Variants in PDCD1 observed in about 807,000 individuals in gnomAD.
PDCD1 encodes programmed cell death 1, also known as programmed cell death protein 1.
PDCD1 carries 10 observed loss-of-function variants against 23.6 expected under a neutral mutation model. That is an observed-to-expected ratio of 0.42 (90% CI 0.26 to 0.72). The LOEUF (loss-of-function observed/expected upper bound fraction) is 0.72, where lower values mean the gene tolerates loss of function less well. PDCD1 is among the 30% of genes least tolerant of loss of function. The pLI is 0.24. For synonymous variants in PDCD1, 168 were observed against 169.3 expected, an observed-to-expected ratio of 0.99 and a Z score of 0.06; for missense variants, 313 against 397.8, an observed-to-expected ratio of 0.79 and a Z score of 1.81.
chr2:241,854,260 G>T (rs977338883), intron 1 of PDCD1, among the ~76,000 whole-genome samples: 4 of 152,194 alleles, frequency 2.6e-5, no homozygotes, highest in African/African-American at 7.2e-5. Context: ...ACAAGCGCTC[G>T]CCTCCTTCAC....
intron 1 of PDCD1, among the ~76,000 whole-genome samples, chr2:241,854,392 C>T (rs1210781005): frequency 6.6e-6 from 1 of 152,220 alleles, no homozygotes; most frequent in African/African-American, 2.4e-5. Flanking sequence ...TGCCGGCCGG[C>T]CAGGGGAAGC....
At chr2:241,851,409 A>G in intron 4 of PDCD1, 112 bp from the exon 5 acceptor site, 1 of 1,051,908 alleles carries the variant, frequency 9.5e-7, no homozygotes. Context: ...CCCCACTATG[A>G]GCTGCTTACC....
intron 1 of PDCD1, among the ~76,000 whole-genome samples, chr2:241,853,697 GA>G (rs1350678086): frequency 2.0e-5 from 3 of 152,284 alleles, no homozygotes; most frequent in Non-Finnish European, 2.9e-5. Flanking sequence ...CAGGGCTTGG[GA>G]TACCCGCATG....
In PDCD1 at chr2:241,850,705, CT is replaced by C; in HGVS notation, c.*352del. On this transcript the variant is annotated 3_prime_UTR_variant, in exon 5 of 5. Transcript: ENST00000334409. ...GGGGCGTCAGGCAGGGCCACGGCGC[CT>C]TCAGCCCCGGGCCGCAGGCAGCAGC... 1.8e-6 allele frequency: 1 copy of C among 563,270 alleles called. No homozygotes were observed. Among genetic ancestry groups the C allele is most frequent in the Non-Finnish European group, 3.3e-6 (1 of 300,352 alleles). 34.9% of individuals were successfully genotyped at this position (563,270 alleles called of 1,614,324 possible). A position where few individuals can be genotyped will look rare whatever the true frequency, so the allele number is the denominator to read the frequency against.
At chr2:241,852,163 G>A (rs749973771) in intron 3 of PDCD1, 35 bp downstream of exon 3, 3 of 1,596,714 alleles carry the variant, frequency 1.9e-6, no homozygotes, top group Non-Finnish European at 2.6e-6. Flanking sequence ...AGCAGGGTTA[G>A]GGCAGGGCAG....
rs56124337 is a variant in PDCD1, at chr2:241,852,750, C to T, written c.307G>A (p.Gly103Arg). ...CRFRVTQLPN[G>R]RDFHMSVVRA... ...ACCACGCTCATGTGGAAGTCACGCC[C>T]GTTGGGCAGTTGTGTGACACGGAAG... Residue 103 changes from glycine (G) to arginine (R), a missense_variant, in exon 2 of 5, where the codon GGG (glycine) becomes AGG (arginine). Physicochemically the swap from Gly to Arg is moderately radical, Grantham distance 125. Coordinates refer to ENST00000334409, the MANE Select transcript of PDCD1 (RefSeq NM_005018.3). The T allele has an allele frequency of 5.1e-5, 82 of 1,614,016 alleles. No homozygotes were observed. Among genetic ancestry groups the T allele is most frequent in the African/African-American group, 2.1e-4 (16 of 75,060 alleles).
chr2:241,857,866 G>A (rs568781176), intron 1 of PDCD1, among the ~76,000 whole-genome samples: 1 of 152,330 alleles, frequency 6.6e-6, no homozygotes, highest in African/African-American at 2.4e-5. Context: ...GCAGGGCCCA[G>A]AGGGACTGTC....
At chr2:241,851,842 A>C (rs1700909033) in intron 4 of PDCD1, 107 bp downstream of exon 4, 2 of 1,109,104 alleles carry the variant, frequency 1.8e-6, no homozygotes, top group East Asian at 4.8e-5. Flanking sequence ...TCCTGGCTAT[A>C]ATAGAATGTG....
Position 241,850,979 on chromosome 2 carries a change from G to A in PDCD1, c.*79C>T. 6.6e-7 allele frequency: 1 copy of A among 1,525,422 alleles called. No individual in the cohort carries two copies. The highest frequency in any genetic ancestry group is 8.8e-7 in the Non-Finnish European group (1 of 1,132,446). The allele number at this position is 1,525,422 out of a possible 1,614,324, so 94.5% of individuals were successfully genotyped here. ...GACGGCCTGCAATGGCCTGCACCCTGCCTGCTTCTCCTGAGGAAATGCGCT... is the reference window on the plus strand; with the variant it reads ...GACGGCCTGCAATGGCCTGCACCCTACCTGCTTCTCCTGAGGAAATGCGCT... On this transcript the variant is annotated 3_prime_UTR_variant, in exon 5 of 5. Coordinates refer to ENST00000334409, the MANE Select transcript of PDCD1 (RefSeq NM_005018.3).
chr2:241,857,710 G>C (rs544437755), intron 1 of PDCD1, among the ~76,000 whole-genome samples: 199 of 152,318 alleles, frequency 1.3e-3, no homozygotes, highest in African/African-American at 4.5e-3. Context: ...GGCCCCGGGA[G>C]AGGGGCCGAG....
chr2:241,853,775 C>G (rs79620053), intron 1 of PDCD1, among the ~76,000 whole-genome samples: 15 of 152,340 alleles, frequency 9.8e-5, no homozygotes, highest in Non-Finnish European at 1.8e-4. Context: ...GATCCAGGCC[C>G]GAGATGCCAT....
At chr2:241,858,479 C>G (rs1701072273) in intron 1 of PDCD1, among the ~76,000 whole-genome samples, 1 of 151,058 alleles carries the variant, frequency 6.6e-6, no homozygotes, top group South Asian at 2.1e-4. Flanking sequence ...GGACTTGGGC[C>G]AGGGGAGGAG....
intron 1 of PDCD1, among the ~76,000 whole-genome samples, chr2:241,857,554 G>T (rs962712229): frequency 2.6e-5 from 4 of 152,158 alleles, no homozygotes; most frequent in African/African-American, 9.7e-5. Flanking sequence ...GTCTCCCTGG[G>T]ATGCCTTTTG....
At chr2:241,856,128 CA>C in intron 1 of PDCD1, among the ~76,000 whole-genome samples, 1 of 152,288 alleles carries the variant, frequency 6.6e-6, no homozygotes, top group African/African-American at 2.4e-5. Flanking sequence ...ACCCCCCAGC[CA>C]GGAGAAGCTG....
rs554129208 is a variant in PDCD1, at chr2:241,852,552, G to C, written c.436+69C>G. ...CTACGACCCTGGAGCTCCTGATCCT[G>C]TGCAGGAGGGGACACCCACCCCAGG... On this transcript the variant is annotated intron_variant, in intron 2 of 4. Coordinates refer to ENST00000334409, the MANE Select transcript of PDCD1 (RefSeq NM_005018.3). 3.9e-6 allele frequency: 6 copies of C among 1,557,744 alleles called. No individual in the cohort carries two copies. In the South Asian group the frequency reaches 4.7e-5, roughly 12 times the overall value.
chr2:241,852,525 C>T, intron 2 of PDCD1, 96 bp downstream of exon 2: 1 of 1,439,372 alleles, frequency 6.9e-7, no homozygotes, highest in Non-Finnish European at 9.4e-7. Context: ...GGGGTCCCTG[C>T]CCTACGACCC....
intron 1 of PDCD1, among the ~76,000 whole-genome samples, chr2:241,856,074 T>C (rs1483536140): frequency 2.0e-5 from 3 of 152,132 alleles, no homozygotes; most frequent in Non-Finnish European, 4.4e-5. Flanking sequence ...AGGCAGAGCC[T>C]GGGGGATGCT....
At chr2:241,855,867 G>A (rs1022049448) in intron 1 of PDCD1, among the ~76,000 whole-genome samples, 2 of 152,252 alleles carry the variant, frequency 1.3e-5, no homozygotes, top group East Asian at 1.9e-4. Flanking sequence ...GTGTGTGTGT[G>A]GAGGTGGGAA....
intron 1 of PDCD1, among the ~76,000 whole-genome samples, chr2:241,856,757 G>A (rs934681605): frequency 2.6e-5 from 4 of 151,868 alleles, no homozygotes; most frequent in African/African-American, 9.7e-5. Flanking sequence ...CCCGGAGGTC[G>A]AGTGAGCCGA....
Sources: allele counts gnomAD v4.1 joint callset (sites outside exome capture counted in the v4.1 genomes callset), GRCh38; gene constraint gnomAD v4.1.1; transcripts MANE v1.5; gene names NCBI Gene and HGNC (gene_info 2026-07-23, HGNC 2026-07-21).